Variants in FRMD6 observed in about 807,000 individuals in gnomAD.
FRMD6 encodes the protein FERM domain containing 6, also known as FERM domain-containing protein 6.
Under a neutral mutation model 73.2 loss-of-function variants are expected in FRMD6, and 37 were observed. The ratio of observed to expected loss-of-function variants is 0.51; its 90% confidence interval spans 0.39 to 0.66. The LOEUF is 0.66. Among genes scored for constraint, FRMD6 ranks in the 30% least tolerant of loss-of-function variants. The pLI is 0.00. For synonymous variants in FRMD6, 273 were observed against 282.2 expected (o/e 0.97, Z 0.33); for missense variants, 714 against 780.5 (o/e 0.91, Z 1.02).
intron 1 of FRMD6, among the ~76,000 whole-genome samples, chr14:51,556,515 G>A (rs1887141768): frequency 1.3e-5 from 2 of 152,096 alleles, no homozygotes; most frequent in African/African-American, 4.8e-5. Context: ...CAAGACTGAG[G>A]CTCAGTCAAG....
At position 51,689,688 on chromosome 14, in the gene FRMD6, C is replaced by G. The variant is rs1895408313; in HGVS notation, c.-146-3C>G. On this transcript the variant is annotated splice_polypyrimidine_tract_variant and splice_region_variant and intron_variant, in intron 1 of 13. Coordinates refer to ENST00000344768, the MANE Select transcript of FRMD6 (RefSeq NM_001267046.2). ...AGGAGTCTCCCCTTTGGCTTTTTCACAGCTATGAAACCCACGTAGTCGAAC... is the reference window on the plus strand; with the variant it reads ...AGGAGTCTCCCCTTTGGCTTTTTCAGAGCTATGAAACCCACGTAGTCGAAC... 2 of 628,446 alleles carry G rather than the reference C, an allele frequency of 3.2e-6. No individual in the cohort carries two copies. The highest frequency in any genetic ancestry group is 2.7e-5 in the Admixed American group (1 of 36,508). The allele number at this position is 628,446 out of a possible 1,614,324, so 38.9% of individuals were successfully genotyped here.
chr14:51,670,964 T>G (rs1893966580), intron 1 of FRMD6, among the ~76,000 whole-genome samples: 1 of 152,260 alleles, frequency 6.6e-6, no homozygotes, highest in Non-Finnish European at 1.5e-5. Context: ...TGTTTTATCA[T>G]GAACATATGT....
intron 1 of FRMD6, among the ~76,000 whole-genome samples, chr14:51,672,174 G>C (rs1894053611): frequency 6.6e-6 from 1 of 152,210 alleles, no homozygotes; most frequent in African/African-American, 2.4e-5. Context: ...GCAAAGGTCA[G>C]GGCAACAGTT....
At chr14:51,700,686 G>A (rs571311998) in intron 3 of FRMD6, among the ~76,000 whole-genome samples, 2 of 152,056 alleles carry the variant, frequency 1.3e-5, no homozygotes, top group Admixed American at 1.3e-4. Context: ...ATAAGAGCAG[G>A]CTTCTTTGAG....
chr14:51,579,104 T>G (rs1198742475), intron 2 of FRMD6: 1 of 152,068 alleles, frequency 6.6e-6, no homozygotes, highest in Non-Finnish European at 1.5e-5. Context: ...GGGACAATCT[T>G]TCATCTCTCA....
chr14:51,503,443 G>C (rs1454642400), intron 1 of FRMD6, among the ~76,000 whole-genome samples: 3 of 151,900 alleles, frequency 2.0e-5, no homozygotes, highest in Non-Finnish European at 2.9e-5. Context: ...TTTCTATTAG[G>C]TGCCTATTCT....
chr14:51,546,353 G>A (rs1372058270), intron 1 of FRMD6, among the ~76,000 whole-genome samples: 1 of 150,854 alleles, frequency 6.6e-6, no homozygotes, highest in Non-Finnish European at 1.5e-5. Flanking sequence ...CCTTTAAAGT[G>A]GAATGCTCTT....
In FRMD6 at chr14:51,651,931, G is replaced by C. The variant is rs1437293524; in HGVS notation, c.-212G>C. On this transcript the variant is annotated 5_prime_UTR_variant, in exon 1 of 14. Transcript: ENST00000344768. ...CTGAGAGGAGTGGGGCAGGCTCGGC[G>C]CCGGTAGGAAGAGTCAGAGGGGTGA... 1 of 152,320 alleles carries C rather than the reference G, an allele frequency of 6.6e-6. No homozygotes were observed. The highest frequency in any genetic ancestry group is 1.9e-4 in the East Asian group (1 of 5,170). The allele number at this position is 152,320 out of a possible 1,614,324, so 9.4% of individuals were successfully genotyped here. A position where few individuals can be genotyped will look rare whatever the true frequency, so the allele number is the denominator to read the frequency against.
intron 2 of FRMD6, among the ~76,000 whole-genome samples, chr14:51,645,642 G>C (rs1892031772): frequency 6.6e-6 from 1 of 151,908 alleles, no homozygotes; most frequent in Non-Finnish European, 1.5e-5. Flanking sequence ...TAGAGATAGG[G>C]TTTCACTATG....
chr14:51,664,253 T>C (rs1893420739), intron 1 of FRMD6, among the ~76,000 whole-genome samples: 2 of 152,226 alleles, frequency 1.3e-5, no homozygotes, highest in African/African-American at 4.8e-5. Flanking sequence ...AATTGCCTCG[T>C]TAAAATTTTA....
At chr14:51,696,008 TAAACTC>T (rs1486434262) in intron 2 of FRMD6, among the ~76,000 whole-genome samples, 3 of 152,116 alleles carry the variant, frequency 2.0e-5, no homozygotes, top group African/African-American at 7.2e-5. Context: ...TATAATAACT[TAAACTC>T]ATTATCATTG....
At chr14:51,528,440 T>C (rs1319721689) in intron 1 of FRMD6, among the ~76,000 whole-genome samples, 2 of 152,208 alleles carry the variant, frequency 1.3e-5, no homozygotes, top group African/African-American at 4.8e-5. Context: ...CTCCCACAAC[T>C]ATAAGATGAG....
chr14:51,675,624 G>A (rs1894335250), intron 1 of FRMD6, among the ~76,000 whole-genome samples: 1 of 152,124 alleles, frequency 6.6e-6, no homozygotes. Context: ...CCCCCAAGGG[G>A]GTGTTAAACA....
intron 2 of FRMD6, among the ~76,000 whole-genome samples, chr14:51,640,122 T>A (rs1242793547): frequency 1.3e-5 from 2 of 152,188 alleles, no homozygotes; most frequent in African/African-American, 4.8e-5. Flanking sequence ...TCCATTAACA[T>A]CCCAGAAAAT....
At chr14:51,532,813 C>A (rs1885665481) in intron 1 of FRMD6, among the ~76,000 whole-genome samples, 1 of 152,180 alleles carries the variant, frequency 6.6e-6, no homozygotes, top group African/African-American at 2.4e-5. Flanking sequence ...CACAAACTGA[C>A]CTTCTCAACA....
the FRMD6 span, among the ~76,000 whole-genome samples, chr14:51,411,176 C>T: frequency 2.0e-5 from 3 of 152,102 alleles, no homozygotes; most frequent in African/African-American, 4.8e-5. Context: ...AATGACCTAA[C>T]GAGTGGTCTC....
chr14:51,638,366 C>A (rs1162725078), intron 2 of FRMD6, among the ~76,000 whole-genome samples: 1 of 152,146 alleles, frequency 6.6e-6, no homozygotes, highest in African/African-American at 2.4e-5. Context: ...AATGCCAGTG[C>A]AAACAGTAAC....
At chr14:51,672,569 A>G (rs1894084763) in intron 1 of FRMD6, among the ~76,000 whole-genome samples, 4 of 152,246 alleles carry the variant, frequency 2.6e-5, no homozygotes, top group Non-Finnish European at 5.9e-5. Flanking sequence ...AGGATGCACT[A>G]GGTGGCTGGT....
chr14:51,530,665 T>G (rs1254401889), intron 1 of FRMD6, among the ~76,000 whole-genome samples: 1 of 151,152 alleles, frequency 6.6e-6, no homozygotes, highest in Non-Finnish European at 1.5e-5. Flanking sequence ...TTTTTTAATT[T>G]TAGTAGTCAT....
Sources: gnomAD v4.1 joint callset for allele counts (sites outside exome capture counted in the v4.1 genomes callset) on GRCh38, gnomAD v4.1.1 for gene constraint, MANE v1.5 for transcripts, NCBI Gene and HGNC (gene_info 2026-07-23, HGNC 2026-07-21) for gene names.